Variants in LINGO2 observed in about 807,000 individuals in gnomAD.
LINGO2 encodes the protein leucine-rich repeat and immunoglobulin-like domain-containing nogo receptor-interacting protein 2.
Under a neutral mutation model 30.6 loss-of-function variants are expected in LINGO2, and 14 were observed. The ratio of observed to expected loss-of-function variants is 0.46; its 90% CI spans 0.30 to 0.72. The LOEUF is 0.72. Among genes scored for constraint, LINGO2 ranks in the 30% least tolerant of loss-of-function variants. The pLI is 0.07. For synonymous variants in LINGO2, 317 were observed against 288.5 expected, an observed-to-expected ratio of 1.10 and a Z score of -1.00; for missense variants, 729 against 751.7, an observed-to-expected ratio of 0.97 and a Z score of 0.35.
Position 28,561,721 on chromosome 9 carries a change from TATTATATATAA to T in LINGO2, c.-364-85707_-364-85697del, listed in dbSNP as rs1344231258. Among the ~76,000 whole-genome samples, 33 of 104,904 alleles carry T rather than the reference TATTATATATAA, an allele frequency of 3.1e-4. 1 individual carries two copies. Among genetic ancestry groups the T allele is most frequent in the Middle Eastern group, 5.5e-3 (1 of 182 alleles). 68.8% of individuals were successfully genotyped at this position (104,904 alleles called of 152,430 possible). On this transcript the variant is annotated intron_variant, in intron 1 of 5. Coordinates refer to ENST00000379992, the Ensembl canonical transcript of LINGO2. ...AATATATATAAATTATATATAAATG[TATTATATATAA>T]TTTTGTGTGTGTGTGTGTATATATA...
At chr9:28,383,998 G>T (rs900347610) in intron 2 of LINGO2, among the ~76,000 whole-genome samples, 1 of 152,010 alleles carries the variant, frequency 6.6e-6, no homozygotes, top group East Asian at 1.9e-4. Context: ...AGCTATGAAA[G>T]TCATTTACAT....
At chr9:28,364,207 G>T (rs756640370) in intron 3 of LINGO2, among the ~76,000 whole-genome samples, 25 of 152,100 alleles carry the variant, frequency 1.6e-4, no homozygotes, top group African/African-American at 5.8e-4. Context: ...ATAACAGTTT[G>T]GTCTATGAGT....
intron 1 of LINGO2, among the ~76,000 whole-genome samples, chr9:28,636,319 A>T (rs551232950): frequency 2.0e-5 from 3 of 152,292 alleles, no homozygotes; most frequent in African/African-American, 7.2e-5. Context: ...CATGTTTTAT[A>T]ATCCTTTGGG....
the LINGO2 span, among the ~76,000 whole-genome samples, chr9:28,965,961 A>C: frequency 6.6e-6 from 1 of 152,200 alleles, no homozygotes; most frequent in Non-Finnish European, 1.5e-5. Flanking sequence ...AAAAAGCCCC[A>C]AAAGCCAATT....
At chr9:28,544,601 TTCTC>T (rs1821849633) in intron 1 of LINGO2, among the ~76,000 whole-genome samples, 1 of 151,588 alleles carries the variant, frequency 6.6e-6, no homozygotes, top group Non-Finnish European at 1.5e-5. Flanking sequence ...GTTAGTATCT[TTCTC>T]TTTCTTTCTC....
intron 2 of LINGO2, among the ~76,000 whole-genome samples, chr9:28,403,896 A>G (rs1199666149): frequency 1.3e-5 from 2 of 152,066 alleles, no homozygotes; most frequent in Non-Finnish European, 2.9e-5. Flanking sequence ...ATGGAATTAA[A>G]TCCTTTTTTT....
At chr9:28,045,643 TAC>T (rs1399895850) in intron 4 of LINGO2, among the ~76,000 whole-genome samples, 8 of 152,150 alleles carry the variant, frequency 5.3e-5, no homozygotes, top group East Asian at 1.9e-4. Context: ...ATTTAATACT[TAC>T]AGATATTTTT....
chr9:28,611,881 C>A (rs62560673), intron 1 of LINGO2, among the ~76,000 whole-genome samples: 5,422 of 151,618 alleles, frequency 0.036, 127 homozygotes, highest in African/African-American at 0.049. Flanking sequence ...AGTGCAGTGG[C>A]GCGATCTCAG....
chr9:29,144,150 G>A, the LINGO2 span, among the ~76,000 whole-genome samples: 8 of 152,142 alleles, frequency 5.3e-5, no homozygotes, highest in South Asian at 1.2e-3. Flanking sequence ...TACCAGTACC[G>A]TGCTGTTTCG....
At chr9:28,694,948 GACTGT>G in the LINGO2 span, among the ~76,000 whole-genome samples, 2 of 145,772 alleles carry the variant, frequency 1.4e-5, no homozygotes, top group Admixed American at 6.9e-5. Context: ...CCATTATCCT[GACTGT>G]TTTTTTTTTT....
At chr9:28,169,934 T>C (rs1239886453) in intron 4 of LINGO2, among the ~76,000 whole-genome samples, 1 of 152,216 alleles carries the variant, frequency 6.6e-6, no homozygotes, top group Non-Finnish European at 1.5e-5. Flanking sequence ...TCTCTAGTCA[T>C]GGTATTTAAG....
the LINGO2 span, among the ~76,000 whole-genome samples, chr9:29,123,792 A>G: frequency 6.6e-6 from 1 of 152,110 alleles, no homozygotes; most frequent in Admixed American, 6.6e-5. Flanking sequence ...TTCAGAACAA[A>G]TATTAACCAT....
the LINGO2 span, among the ~76,000 whole-genome samples, chr9:28,848,330 T>C: frequency 3.5e-5 from 4 of 115,356 alleles, no homozygotes; most frequent in South Asian, 7.4e-4. Context: ...TGTATATATA[T>C]ACATATATAG....
chr9:28,164,685 A>C (rs1026695167), intron 4 of LINGO2, among the ~76,000 whole-genome samples: 1 of 152,180 alleles, frequency 6.6e-6, no homozygotes, highest in Admixed American at 6.5e-5. Flanking sequence ...TTTGCAATAC[A>C]TCTGGTCTGC....
the LINGO2 span, among the ~76,000 whole-genome samples, chr9:29,176,464 CT>C: frequency 6.6e-6 from 1 of 152,182 alleles, no homozygotes; most frequent in African/African-American, 2.4e-5. Context: ...TCCCTGTCCC[CT>C]ACACATGCAC....
intron 2 of LINGO2, among the ~76,000 whole-genome samples, chr9:28,387,293 T>G (rs767572617): frequency 6.6e-6 from 1 of 151,718 alleles, no homozygotes; most frequent in Non-Finnish European, 1.5e-5. Flanking sequence ...AGGTTTTAAA[T>G]GCACCAATCA....
chr9:29,006,990 C>T, the LINGO2 span, among the ~76,000 whole-genome samples: 1 of 152,090 alleles, frequency 6.6e-6, no homozygotes, highest in Admixed American at 6.6e-5. Flanking sequence ...CCATCTGCAA[C>T]TCTATAGCAT....
the LINGO2 span, among the ~76,000 whole-genome samples, chr9:28,789,274 T>A: frequency 6.6e-6 from 1 of 152,170 alleles, no homozygotes; most frequent in Admixed American, 6.5e-5. Flanking sequence ...GAAAGAGGAA[T>A]AGTTCATAAT....
At chr9:28,342,904 C>G (rs972023573) in intron 3 of LINGO2, among the ~76,000 whole-genome samples, 1 of 152,056 alleles carries the variant, frequency 6.6e-6, no homozygotes, top group Non-Finnish European at 1.5e-5. Context: ...TCTCGCTGTT[C>G]CTGGTGATCA....
Sources: gnomAD v4.1 joint callset for allele counts (sites outside exome capture counted in the v4.1 genomes callset) on GRCh38, gnomAD v4.1.1 for gene constraint, MANE v1.5 for transcripts, NCBI Gene and HGNC (gene_info 2026-07-23, HGNC 2026-07-21) for gene names.